ZNG1E: variants seen among roughly 807,000 people sequenced by gnomAD.
ZNG1E encodes zinc-regulated GTPase metalloprotein activator 1E.
At chr9:65,702,367 G>C in the ZNG1E span, among the ~76,000 whole-genome samples, 3 of 151,726 alleles carry the variant, frequency 2.0e-5, no homozygotes, top group African/African-American at 7.3e-5. Context: ...GGTACTTTTT[G>C]GTGCCATACA....
the ZNG1E span, chr9:65,707,856 G>A: frequency 7.3e-6 from 1 of 137,640 alleles, no homozygotes; most frequent in Admixed American, 7.2e-5. Flanking sequence ...GTCCTCTGCT[G>A]TTCTTTTTTT....
At chr9:65,677,788 A>G in the ZNG1E span, among the ~76,000 whole-genome samples, 1 of 152,092 alleles carries the variant, frequency 6.6e-6, no homozygotes, top group Admixed American at 6.5e-5. Flanking sequence ...GCCCCGCACA[A>G]TAAACTAAGG....
chr9:65,710,547 G>C, the ZNG1E span, among the ~76,000 whole-genome samples: 1 of 152,056 alleles, frequency 6.6e-6, no homozygotes, highest in Non-Finnish European at 1.5e-5. Context: ...TGTAAGGAAG[G>C]GATCCGGTTT....
chr9:65,671,969 G>C, the ZNG1E span, among the ~76,000 whole-genome samples: 1 of 137,792 alleles, frequency 7.3e-6, no homozygotes, highest in Non-Finnish European at 1.5e-5. Context: ...CCTCAAATTT[G>C]CTTTTTGATC....
At chr9:65,708,438 G>C in the ZNG1E span, 1 of 213,108 alleles carries the variant, frequency 4.7e-6, no homozygotes, top group Non-Finnish European at 9.2e-6. Flanking sequence ...GGGTCCTAGA[G>C]TAACCTAATA....
At chr9:65,664,306 A>G in the ZNG1E span, among the ~76,000 whole-genome samples, 1 of 150,852 alleles carries the variant, frequency 6.6e-6, no homozygotes, top group East Asian at 1.9e-4. Flanking sequence ...CTCATCTTGA[A>G]TTCCCATGTG....
chr9:65,667,180 A>G, the ZNG1E span, among the ~76,000 whole-genome samples: 2 of 152,232 alleles, frequency 1.3e-5, no homozygotes, highest in African/African-American at 4.8e-5. Context: ...ACAAACCAGC[A>G]CTATTATCAA....
chr9:65,689,675 AAATC>A, the ZNG1E span, among the ~76,000 whole-genome samples: 1 of 130,618 alleles, frequency 7.7e-6, no homozygotes, highest in African/African-American at 2.8e-5. Flanking sequence ...ATTAGACTAA[AAATC>A]AATGAATTTT....
chr9:65,660,043 A>G, the ZNG1E span, among the ~76,000 whole-genome samples: 2 of 142,278 alleles, frequency 1.4e-5, no homozygotes, highest in Non-Finnish European at 3.0e-5. Flanking sequence ...CAAAAAATAA[A>G]GGTATAAATT....
the ZNG1E span, among the ~76,000 whole-genome samples, chr9:65,660,817 G>T: frequency 1.6e-5 from 2 of 127,980 alleles, no homozygotes; most frequent in East Asian, 2.6e-4. Context: ...ATCTGTGGTT[G>T]TGGTTATACA....
chr9:65,721,103 C>T, the ZNG1E span, among the ~76,000 whole-genome samples: 15 of 147,490 alleles, frequency 1.0e-4, no homozygotes, highest in East Asian at 2.3e-3. Context: ...ATGAAGAAAA[C>T]GCAGTACTCA....
the ZNG1E span, among the ~76,000 whole-genome samples, chr9:65,660,371 A>G: frequency 6.9e-6 from 1 of 145,606 alleles, no homozygotes; most frequent in Non-Finnish European, 1.5e-5. Flanking sequence ...TCATAAAATT[A>G]TTAATTTCAG....
the ZNG1E span, among the ~76,000 whole-genome samples, chr9:65,672,278 T>C: frequency 1.5e-4 from 23 of 152,060 alleles, no homozygotes; most frequent in African/African-American, 5.5e-4. Context: ...GTTGTTGTTG[T>C]TGTTTTACCC....
chr9:65,658,376 C>A, the ZNG1E span, among the ~76,000 whole-genome samples: 1 of 151,316 alleles, frequency 6.6e-6, no homozygotes, highest in Non-Finnish European at 1.5e-5. Context: ...AGCCAATCTC[C>A]CAGTAAGCAG....
At chr9:65,694,037 T>TA in the ZNG1E span, among the ~76,000 whole-genome samples, 1 of 149,848 alleles carries the variant, frequency 6.7e-6, no homozygotes. Context: ...TTTTAGAGTT[T>TA]AAAATCTCAA....
chr9:65,660,983 C>A, the ZNG1E span, among the ~76,000 whole-genome samples: 1 of 145,520 alleles, frequency 6.9e-6, no homozygotes, highest in Non-Finnish European at 1.5e-5. Context: ...CCTTGGCAAA[C>A]CAAAAAACAT....
chr9:65,685,008 C>T, the ZNG1E span, among the ~76,000 whole-genome samples: 1 of 148,698 alleles, frequency 6.7e-6, no homozygotes, highest in Non-Finnish European at 1.5e-5. Context: ...CACCACTGCA[C>T]TCCAGCCTGG....
chr9:65,667,489 G>T, the ZNG1E span, among the ~76,000 whole-genome samples: 3 of 152,282 alleles, frequency 2.0e-5, no homozygotes, highest in Non-Finnish European at 4.4e-5. Context: ...AAGCTAACCA[G>T]TCTAAAATAT....
the ZNG1E span, among the ~76,000 whole-genome samples, chr9:65,685,955 TCTC>T: frequency 6.9e-5 from 10 of 144,618 alleles, no homozygotes; most frequent in African/African-American, 2.5e-4. Context: ...ACAACATTAA[TCTC>T]CTTGTACATC....
Sources: allele counts gnomAD v4.1 joint callset (sites outside exome capture counted in the v4.1 genomes callset), GRCh38; gene constraint gnomAD v4.1.1; transcripts MANE v1.5; gene names NCBI Gene and HGNC (gene_info 2026-07-23, HGNC 2026-07-21).